The following MLLT6 variants were observed in gnomAD, a reference collection of about 807,000 sequenced individuals.
MLLT6 encodes the protein MLLT6, PHD finger containing.
Under a neutral mutation model 103.0 loss-of-function variants are expected in MLLT6, and 22 were observed. The ratio of observed to expected loss-of-function variants is 0.21; its 90% confidence interval spans 0.15 to 0.31. The LOEUF is 0.31. Among genes scored for constraint, MLLT6 ranks in the 10% least tolerant of loss-of-function variants. The pLI is 1.00. For synonymous variants in MLLT6, 606 were observed against 623.5 expected (o/e 0.97, Z 0.42); for missense variants, 1,199 against 1,441.7 (o/e 0.83, Z 2.73).
Position 38,718,006 on chromosome 17 carries a change from A to G in MLLT6, c.1942+53A>G, listed in dbSNP as rs1215610771. The G allele has an allele frequency of 8.8e-6, 11 of 1,250,274 alleles. No homozygotes were observed. The East Asian group carries it at 1.9e-4, about 22-fold the overall frequency. The allele number at this position is 1,250,274 out of a possible 1,614,324, so 77.4% of individuals were successfully genotyped here. ...CTTTCTTCCCAAAGGTCGGACACCCATCACCTGCATGTGACCCCAGAAAGA... is the reference window on the plus strand; with the variant it reads ...CTTTCTTCCCAAAGGTCGGACACCCGTCACCTGCATGTGACCCCAGAAAGA... On this transcript the variant is annotated intron_variant, in intron 12 of 19. Transcript: ENST00000621332.
chr17:38,727,140 T>A lies in MLLT6; in HGVS notation c.*1542T>A. 1 of 233,208 alleles carries A rather than the reference T, an allele frequency of 4.3e-6. No homozygotes were observed. Among genetic ancestry groups the A allele is most frequent in the Non-Finnish European group, 8.5e-6 (1 of 117,926 alleles). 14.4% of individuals were successfully genotyped at this position (233,208 alleles called of 1,614,324 possible). A position where few individuals can be genotyped will look rare whatever the true frequency, so the allele number is the denominator to read the frequency against. ...TTGGGTTTTTGTTGTTGGGTTTTTTTTTTTTTTTTAATAAAGAAAAGAAGA... is the reference window on the plus strand; with the variant it reads ...TTGGGTTTTTGTTGTTGGGTTTTTTATTTTTTTTTAATAAAGAAAAGAAGA... On this transcript the variant is annotated 3_prime_UTR_variant, in exon 20 of 20. Coordinates refer to ENST00000621332, the MANE Select transcript of MLLT6 (RefSeq NM_005937.4).
Position 38,705,384 on chromosome 17 carries a change from G to GC in MLLT6, c.-249_-248insC, listed in dbSNP as rs1904853533. On this transcript the variant is annotated 5_prime_UTR_variant, in exon 1 of 20. Transcript: ENST00000621332. ...CCCGGCGTGCGAGTCTCATTGTTGT[G>GC]GGGGGGGCCCGTCGGGGCATGAGGG... Among the ~76,000 whole-genome samples the GC allele has an allele frequency of 8.8e-6, 1 of 113,360 alleles. No individual in the cohort carries two copies. Among genetic ancestry groups the GC allele is most frequent in the Non-Finnish European group, 2.2e-5 (1 of 44,464 alleles). The allele number at this position is 113,360 out of a possible 152,430, so 74.4% of individuals were successfully genotyped here.
At chr17:38,725,008 C>T in intron 19 of MLLT6, 32 bp downstream of exon 19, 3 of 1,385,330 alleles carry the variant, frequency 2.2e-6, no homozygotes, top group East Asian at 2.5e-5. Context: ...TTCCTGCCTC[C>T]CCTCTGAGGG....
At chr17:38,707,204 C>T (rs867035832) in intron 2 of MLLT6, among the ~76,000 whole-genome samples, 175 bp downstream of exon 2, 5 of 152,218 alleles carry the variant, frequency 3.3e-5, no homozygotes, top group African/African-American at 1.2e-4. Context: ...GCTCATCCCT[C>T]CCTCTGCCCC....
At chr17:38,717,081 C>T in intron 10 of MLLT6, 100 bp downstream of exon 10, 1 of 1,520,356 alleles carries the variant, frequency 6.6e-7, no homozygotes, top group Non-Finnish European at 8.8e-7. Flanking sequence ...ATGGATACCA[C>T]TCCAAAAGAT....
At position 38,716,039 on chromosome 17, in the gene MLLT6, C is replaced by T. The variant is rs534759620; in HGVS notation, c.1036+211C>T. ...CCTCTCCCCTTCAGGGGCCACCCCA[C>T]CAACCTCATAACAGTATTCCTTATC... On this transcript the variant is annotated intron_variant, in intron 9 of 19. Transcript: ENST00000621332. This position sits in a 1 kb window ranked among gnomAD's most constrained non-coding sequence, Gnocchi z 5.6. The T allele has an allele frequency of 1.6e-6, 1 of 614,160 alleles. No individual in the cohort carries two copies. The highest frequency in any genetic ancestry group is 2.0e-5 in the South Asian group (1 of 49,708). 38.0% of individuals were successfully genotyped at this position (614,160 alleles called of 1,614,324 possible).
chr17:38,711,521 C>T (rs1905140274), intron 6 of MLLT6, among the ~76,000 whole-genome samples: 1 of 152,108 alleles, frequency 6.6e-6, no homozygotes, highest in Non-Finnish European at 1.5e-5. Flanking sequence ...CTCAGTCAGC[C>T]AAGAGGGCAC....
chr17:38,708,739 A>AT (rs1905034863), intron 4 of MLLT6, among the ~76,000 whole-genome samples: 1 of 152,112 alleles, frequency 6.6e-6, no homozygotes, highest in Non-Finnish European at 1.5e-5. Flanking sequence ...CTAGAAAAAT[A>AT]CAAAAATTAG....
At chr17:38,721,576 A>C (rs146086201) in intron 16 of MLLT6, among the ~76,000 whole-genome samples, 73 of 152,352 alleles carry the variant, frequency 4.8e-4, no homozygotes, top group African/African-American at 1.8e-3. Flanking sequence ...TGAGAATAGC[A>C]AGATAGCACA....
At chr17:38,712,219 G>C (rs1339041851) in intron 7 of MLLT6, 2 of 586,308 alleles carry the variant, frequency 3.4e-6, no homozygotes, top group South Asian at 7.5e-5. Context: ...TGTGTTAGTG[G>C]TTCCTCTGGG....
At chr17:38,713,896 C>T (rs530118195) in intron 8 of MLLT6, 1 of 152,336 alleles carries the variant, frequency 6.6e-6, no homozygotes, top group South Asian at 2.1e-4. Context: ...AAGACAGAGA[C>T]CAGGACTCCG....
chr17:38,720,183 G>T, intron 14 of MLLT6, 189 bp from the exon 15 acceptor site: 1 of 694,052 alleles, frequency 1.4e-6, no homozygotes, highest in Non-Finnish European at 2.4e-6. Context: ...CTCAGGCTCC[G>T]CCCCAGGTCT....
chr17:38,712,157 G>A (rs1905163401), intron 7 of MLLT6, 143 bp downstream of exon 7: 2 of 1,371,220 alleles, frequency 1.5e-6, no homozygotes, highest in South Asian at 1.9e-5. Flanking sequence ...GGCAGGAGGG[G>A]GCTGAAATGA....
Position 38,726,659 on chromosome 17 carries a change from G to T in MLLT6, c.*1061G>T, listed in dbSNP as rs1906049019. 4.3e-6 allele frequency: 1 copy of T among 233,548 alleles called. No individual in the cohort carries two copies. The highest frequency in any genetic ancestry group is 5.6e-5 in the Admixed American group (1 of 17,780). 14.5% of individuals were successfully genotyped at this position (233,548 alleles called of 1,614,324 possible). ...TGCCTTCCCTCCCCTGACCCCACAT[G>T]GTCTCAGGGCCCCCTTAGGGCCCCC... is the stretch of plus-strand genomic sequence containing the variant. On this transcript the variant is annotated 3_prime_UTR_variant, in exon 20 of 20. Transcript: ENST00000621332.
intron 12 of MLLT6, 71 bp downstream of exon 12, chr17:38,718,024 C>T: frequency 9.2e-7 from 1 of 1,088,834 alleles, no homozygotes; most frequent in Non-Finnish European, 1.4e-6. Context: ...CATGTGACCC[C>T]AGAAAGAATG....
intron 17 of MLLT6, 24 bp from the exon 18 acceptor site, chr17:38,722,654 C>G (rs764360437): frequency 6.5e-6 from 3 of 458,204 alleles, no homozygotes; most frequent in South Asian, 6.2e-5. Context: ...GTTGTCCCCC[C>G]CCCACCCCCC....
chr17:38,720,161 C>T (rs1225968339), intron 14 of MLLT6: 17 of 694,922 alleles, frequency 2.4e-5, no homozygotes, highest in African/African-American at 3.6e-5. Context: ...CCCGTGTGGC[C>T]TCGACCCCAG....
At position 38,717,426 on chromosome 17, in the gene MLLT6, C is replaced by G; in HGVS notation, c.1652-6C>G. The G allele has an allele frequency of 1.9e-6, 3 of 1,585,228 alleles. No individual in the cohort carries two copies. The highest frequency in any genetic ancestry group is 1.7e-6 in the Non-Finnish European group (2 of 1,163,392). ...CACGTGCTTCCCTCTGTCCTTGTGCCTGCAGGCATCTACACCAGTAATAAG... is the reference window on the plus strand; with the variant it reads ...CACGTGCTTCCCTCTGTCCTTGTGCGTGCAGGCATCTACACCAGTAATAAG... On this transcript the variant is annotated splice_polypyrimidine_tract_variant and splice_region_variant and intron_variant, in intron 10 of 19. Coordinates refer to ENST00000621332, the MANE Select transcript of MLLT6 (RefSeq NM_005937.4).
chr17:38,709,928 A>G lies in MLLT6; in HGVS notation c.552+353A>G, dbSNP rs1457528083. The stretch of plus-strand genomic sequence containing the variant: ...TTTACTACGCCTCCGCCTTAGGACA[A>G]AGTTCCTGCCATGTGTTATTTTGTG... On this transcript the variant is annotated intron_variant, in intron 6 of 19. Coordinates refer to ENST00000621332, the MANE Select transcript of MLLT6 (RefSeq NM_005937.4). This position sits in a 1 kb window ranked among gnomAD's most constrained non-coding sequence, Gnocchi z 4.3. Among the ~76,000 whole-genome samples, 1 of 152,194 alleles carries G rather than the reference A, an allele frequency of 6.6e-6. No individual in the cohort carries two copies. The highest frequency in any genetic ancestry group is 2.4e-5 in the African/African-American group (1 of 41,438).
Sources: gnomAD v4.1 joint callset for allele counts (sites outside exome capture counted in the v4.1 genomes callset) on GRCh38, gnomAD v4.1.1 for gene constraint, Gnocchi (gnomAD v3.1) non-coding constraint, MANE v1.5 for transcripts, NCBI Gene and HGNC (gene_info 2026-07-23, HGNC 2026-07-21) for gene names.